The following ROBO2 variants were observed in gnomAD, a reference collection of about 807,000 sequenced individuals.
ROBO2 encodes roundabout homolog 2.
In ROBO2, 53 loss-of-function variants were observed where a neutral mutation model predicts 160.8. That is an observed-to-expected ratio of 0.33 (90% CI 0.26 to 0.41). The LOEUF is 0.41. Ranked by LOEUF, ROBO2 falls within the 10% of genes least tolerant of loss-of-function variation. The probability of loss-of-function intolerance (pLI) is 1.00; values close to 1 mark genes in which losing one functional copy is unlikely to be tolerated. For missense variants in ROBO2, 1,577 were observed against 1,722.4 expected (o/e 0.92, Z 1.49); for synonymous variants, 664 against 611.7 (o/e 1.09, Z -1.26).
Position 77,226,031 on chromosome 3 carries a change from C to A in ROBO2, c.388+127691C>A, listed in dbSNP as rs938259744. 4.6e-5 allele frequency among the ~76,000 whole-genome samples: 7 copies of A among 151,892 alleles called. No homozygotes were observed. In the East Asian group the frequency reaches 1.2e-3, roughly 25 times the overall value. On this transcript the variant is annotated intron_variant, in intron 2 of 25. Transcript: ENST00000461745. ...TCGGTATTTTCCCTATAGTCTGGAA[C>A]ATTACTGGAATGAAAATTTAGAGAT...
chr3:77,177,791 T>C (rs1579673210), intron 2 of ROBO2, among the ~76,000 whole-genome samples: 1 of 152,032 alleles, frequency 6.6e-6, no homozygotes, highest in East Asian at 1.9e-4. Flanking sequence ...ACAAAGACCA[T>C]GAATGATTTG....
intron 2 of ROBO2, among the ~76,000 whole-genome samples, chr3:76,035,474 A>G (rs2067075874): frequency 1.3e-5 from 2 of 151,808 alleles, no homozygotes; most frequent in Non-Finnish European, 2.9e-5. Flanking sequence ...GGTGACTGTG[A>G]TCAGTCTGAG....
chr3:77,171,519 A>C (rs1035372532), intron 2 of ROBO2, among the ~76,000 whole-genome samples: 1 of 152,222 alleles, frequency 6.6e-6, no homozygotes, highest in Non-Finnish European at 1.5e-5. Context: ...TGGAAAGTAG[A>C]TATTTGTATT....
intron 2 of ROBO2, among the ~76,000 whole-genome samples, chr3:76,914,539 G>A (rs966632839): frequency 1.3e-5 from 2 of 151,908 alleles, no homozygotes; most frequent in Non-Finnish European, 2.9e-5. Flanking sequence ...AGAGCCACTG[G>A]AGAAATAATT....
intron 2 of ROBO2, among the ~76,000 whole-genome samples, chr3:76,660,270 A>C (rs1292384253): frequency 6.6e-6 from 1 of 152,202 alleles, no homozygotes; most frequent in Non-Finnish European, 1.5e-5. Context: ...AGAGATTAGA[A>C]ATGTTAAATG....
intron 2 of ROBO2, among the ~76,000 whole-genome samples, chr3:77,318,231 G>A (rs1185475861): frequency 1.3e-5 from 2 of 151,670 alleles, no homozygotes; most frequent in African/African-American, 2.4e-5. Flanking sequence ...ATGGGGTTTC[G>A]CCATGTTGGC....
intron 2 of ROBO2, among the ~76,000 whole-genome samples, chr3:75,979,961 A>C (rs1163804765): frequency 6.6e-6 from 1 of 151,568 alleles, no homozygotes; most frequent in Non-Finnish European, 1.5e-5. Context: ...GCCGTGGATA[A>C]GGATAAAAGT....
intron 2 of ROBO2, among the ~76,000 whole-genome samples, chr3:77,221,997 C>T (rs527238515): frequency 1.4e-3 from 210 of 151,426 alleles, no homozygotes; most frequent in Middle Eastern, 6.8e-3. Context: ...GGACTATAGC[C>T]ACCCGCCACT....
chr3:77,450,924 C>T (rs903047162), intron 2 of ROBO2, among the ~76,000 whole-genome samples: 2 of 147,026 alleles, frequency 1.4e-5, no homozygotes, highest in Non-Finnish European at 2.9e-5. Flanking sequence ...GAAAGAATTG[C>T]ACATTTCATT....
chr3:75,915,256 T>TAA (rs2106772429), intron 1 of ROBO2, among the ~76,000 whole-genome samples: 1 of 152,306 alleles, frequency 6.6e-6, no homozygotes, highest in East Asian at 1.9e-4. Context: ...TTTCTAAGCA[T>TAA]AAGAGTCAGG....
chr3:76,135,999 C>T (rs569045518), intron 2 of ROBO2, among the ~76,000 whole-genome samples: 21 of 152,180 alleles, frequency 1.4e-4, no homozygotes, highest in African/African-American at 5.1e-4. Context: ...AAATAGGTAT[C>T]TGACTTTTTG....
intron 2 of ROBO2, among the ~76,000 whole-genome samples, chr3:77,338,347 A>G (rs2066706874): frequency 6.6e-6 from 1 of 152,134 alleles, no homozygotes; most frequent in African/African-American, 2.4e-5. Context: ...GACTTTCAAC[A>G]CGTAGTTGCT....
intron 1 of ROBO2, among the ~76,000 whole-genome samples, chr3:75,911,563 T>C (rs1245723834): frequency 7.4e-6 from 1 of 135,146 alleles, no homozygotes; most frequent in Non-Finnish European, 1.6e-5. Flanking sequence ...TTTTTTTTTT[T>C]TTTTTTTTTT....
At chr3:77,345,498 A>G (rs1191739064) in intron 2 of ROBO2, among the ~76,000 whole-genome samples, 1 of 152,140 alleles carries the variant, frequency 6.6e-6, no homozygotes, top group Non-Finnish European at 1.5e-5. Flanking sequence ...TATATTTGGT[A>G]TTAAACAAAT....
At chr3:76,993,708 T>G (rs911691985) in intron 2 of ROBO2, among the ~76,000 whole-genome samples, 6 of 152,154 alleles carry the variant, frequency 3.9e-5, no homozygotes, top group Non-Finnish European at 7.3e-5. Context: ...GTCCTGAGAC[T>G]TCTTTAGTCC....
chr3:77,549,693 A>G (rs1197612815), intron 7 of ROBO2, among the ~76,000 whole-genome samples: 1 of 152,022 alleles, frequency 6.6e-6, no homozygotes, highest in Non-Finnish European at 1.5e-5. Context: ...GATTAAAGTC[A>G]TTGAGCATAA....
intron 2 of ROBO2, among the ~76,000 whole-genome samples, chr3:76,517,994 A>C (rs1016218986): frequency 6.6e-6 from 1 of 152,148 alleles, no homozygotes; most frequent in Admixed American, 6.5e-5. Flanking sequence ...TTAAAAAAAA[A>C]CTTTATCATG....
chr3:77,497,791 G>A (rs939678907), intron 5 of ROBO2, among the ~76,000 whole-genome samples: 1 of 151,962 alleles, frequency 6.6e-6, no homozygotes, highest in East Asian at 1.9e-4. Flanking sequence ...CATAACATAG[G>A]TTTATTGTAT....
rs558297102 is a variant in ROBO2, at chr3:77,342,464, G to A, written c.389-134950G>A. On this transcript the variant is annotated intron_variant, in intron 2 of 25. Transcript: ENST00000461745. ...AGAAATAAAATAATTCATAATTGTTGTAGAGAGAATTCTTCCTTTATAACT... is the reference window on the plus strand; with the variant it reads ...AGAAATAAAATAATTCATAATTGTTATAGAGAGAATTCTTCCTTTATAACT... Among the ~76,000 whole-genome samples the A allele has an allele frequency of 5.9e-5, 9 of 152,240 alleles. No homozygotes were observed. In the East Asian group the frequency reaches 1.7e-3, roughly 29 times the overall value.
Sources: gnomAD v4.1 joint callset for allele counts (sites outside exome capture counted in the v4.1 genomes callset) on GRCh38, gnomAD v4.1.1 for gene constraint, MANE v1.5 for transcripts, NCBI Gene and HGNC (gene_info 2026-07-23, HGNC 2026-07-21) for gene names.